ADAMTSL3: variants seen among roughly 807,000 people sequenced by gnomAD.
ADAMTSL3 encodes the protein ADAMTS like 3.
A neutral mutation model predicts 201.7 loss-of-function variants in ADAMTSL3; 128 were observed. The ratio of observed to expected loss-of-function variants is 0.63; its 90% confidence interval spans 0.55 to 0.73. The LOEUF (loss-of-function observed/expected upper bound fraction) is 0.73, where lower values mean the gene tolerates loss of function less well. ADAMTSL3 is among the 30% of genes least tolerant of loss of function. The pLI, the probability that ADAMTSL3 is intolerant of heterozygous loss-of-function variation, is 0.00. For synonymous variants in ADAMTSL3, 738 were observed against 748.4 expected (o/e 0.99, Z 0.23); for missense variants, 1,990 against 2,119.6 (o/e 0.94, Z 1.20).
chr15:83,924,059 A>G, intron 17 of ADAMTSL3, 26 bp downstream of exon 17: 3 of 1,612,904 alleles, frequency 1.9e-6, no homozygotes, highest in Non-Finnish European at 2.5e-6. Flanking sequence ...TGTTCCTGGT[A>G]TATACCGTGT....
chr15:83,892,197 C>CAGAAAG (rs1325342016), intron 12 of ADAMTSL3, among the ~76,000 whole-genome samples: 1 of 148,972 alleles, frequency 6.7e-6, no homozygotes, highest in East Asian at 2.0e-4. Flanking sequence ...GCCTGGGTGA[C>CAGAAAG]AGAAAGAGAC....
rs542617593 is a variant in ADAMTSL3 at position 83,672,789 on chromosome 15, C to A, written c.69+16959C>A. On this transcript the variant is annotated intron_variant, in intron 2 of 29. Transcript: ENST00000286744. Reference sequence around the variant, plus strand: ...CGTTGCTTCCTTGTGCCATGACTCTCCAAGGGAAACAGACCTTCCCAGAGC... The same window carrying A: ...CGTTGCTTCCTTGTGCCATGACTCTACAAGGGAAACAGACCTTCCCAGAGC... Among the ~76,000 whole-genome samples the A allele has an allele frequency of 1.6e-3, 249 of 152,320 alleles. 2 individuals carry two copies. Among genetic ancestry groups the A allele is most frequent in the African/African-American group, 5.8e-3 (243 of 41,582 alleles).
intron 3 of ADAMTSL3, among the ~76,000 whole-genome samples, chr15:83,759,569 A>G (rs1247645103): frequency 2.0e-5 from 3 of 152,174 alleles, no homozygotes; most frequent in African/African-American, 7.2e-5. Flanking sequence ...ACATAGTTTA[A>G]TAAGTTTCTT....
intron 7 of ADAMTSL3, among the ~76,000 whole-genome samples, chr15:83,856,850 T>C (rs1350545900): frequency 6.6e-6 from 1 of 152,214 alleles, no homozygotes; most frequent in African/African-American, 2.4e-5. Flanking sequence ...CTGGATCATA[T>C]GGTAATTCTA....
At position 83,960,407 on chromosome 15, in the gene ADAMTSL3, C is replaced by T. The variant is rs539021058; in HGVS notation, c.2491-10077C>T. Among the ~76,000 whole-genome samples, 63 of 152,170 alleles carry T rather than the reference C, an allele frequency of 4.1e-4. No individual in the cohort carries two copies. In the South Asian group the frequency reaches 8.7e-3, roughly 21 times the overall value. ...AGCTGACAAATATTTCCTCAGGCGC[C>T]GAGCAGGGTATAGATTTCCCTAGGA... On this transcript the variant is annotated intron_variant, in intron 19 of 29. Transcript: ENST00000286744.
chr15:83,954,785 A>G (rs2066825261), intron 19 of ADAMTSL3, among the ~76,000 whole-genome samples: 1 of 152,192 alleles, frequency 6.6e-6, no homozygotes, highest in Admixed American at 6.5e-5. Flanking sequence ...ATTACCAGGA[A>G]GAGACTCTTG....
intron 2 of ADAMTSL3, among the ~76,000 whole-genome samples, chr15:83,698,869 G>A (rs2061725457): frequency 6.6e-6 from 1 of 152,098 alleles, no homozygotes; most frequent in South Asian, 2.1e-4. Context: ...TTTCTTAGCA[G>A]CATTCAAGAC....
intron 8 of ADAMTSL3, among the ~76,000 whole-genome samples, chr15:83,866,070 C>T (rs1596331425): frequency 1.3e-5 from 2 of 152,184 alleles, no homozygotes; most frequent in Non-Finnish European, 1.5e-5. Context: ...TACCATCTCA[C>T]ACCAGTTAGA....
At chr15:83,728,904 G>A (rs2141598033) in intron 3 of ADAMTSL3, among the ~76,000 whole-genome samples, 1 of 152,168 alleles carries the variant, frequency 6.6e-6, no homozygotes, top group South Asian at 2.1e-4. Flanking sequence ...TCCAGTTAAA[G>A]AATGCCCTTT....
rs143245895 is a variant in ADAMTSL3 at position 83,727,105 on chromosome 15, C to A, written c.189+22597C>A. On this transcript the variant is annotated intron_variant, in intron 3 of 29. Transcript: ENST00000286744. The stretch of plus-strand genomic sequence containing the variant: ...GGTCTGTTCAGGTCTTGAATTTCTT[C>A]CTGGTTCAATCTTGGTAGGTTGTAT... 8.7e-3 allele frequency among the ~76,000 whole-genome samples: 1,317 copies of A among 151,842 alleles called. 19 individuals are homozygous for A. The highest frequency in any genetic ancestry group is 0.03 in the African/African-American group (1,249 of 41,468).
intron 3 of ADAMTSL3, among the ~76,000 whole-genome samples, chr15:83,732,653 A>G (rs889538287): frequency 1.3e-5 from 2 of 152,168 alleles, no homozygotes. Context: ...CTCCGTCTTA[A>G]CTAGTTGATT....
intron 17 of ADAMTSL3, among the ~76,000 whole-genome samples, chr15:83,929,310 G>T (rs954481647): frequency 2.2e-4 from 33 of 152,126 alleles, no homozygotes; most frequent in African/African-American, 7.0e-4. Flanking sequence ...AGGTGTCCGC[G>T]GCGTTGATTC....
At chr15:83,966,231 C>T (rs1403146074) in intron 19 of ADAMTSL3, among the ~76,000 whole-genome samples, 13 of 152,102 alleles carry the variant, frequency 8.5e-5, no homozygotes, top group Admixed American at 7.2e-4. Flanking sequence ...TCAAAAATAT[C>T]AATGAATCCC....
chr15:83,716,607 TTTGTGTGTGTGTGTGTG>T (rs2062022813), intron 3 of ADAMTSL3, among the ~76,000 whole-genome samples: 2 of 131,556 alleles, frequency 1.5e-5, no homozygotes, highest in Non-Finnish European at 3.3e-5. Context: ...TCTTTATTTC[TTTGTGTGTGTGTGTGTG>T]TTGTGTGTGT....
rs550890278 is a variant in ADAMTSL3 at position 83,884,751 on chromosome 15, A to G, written c.961-350A>G. Among the ~76,000 whole-genome samples, 5 of 152,300 alleles carry G rather than the reference A, an allele frequency of 3.3e-5. No homozygotes were observed. In the South Asian group the frequency reaches 8.3e-4, roughly 25 times the overall value. On this transcript the variant is annotated intron_variant, in intron 9 of 29. Transcript: ENST00000286744. ...CTATATTGTGAGCAAACCCAAATCA[A>G]TTCTCAATCTGTGTCGTCAAAATTA... is the stretch of plus-strand genomic sequence containing the variant.
chr15:84,003,773 C>T (rs2067843104), intron 23 of ADAMTSL3, among the ~76,000 whole-genome samples: 1 of 152,154 alleles, frequency 6.6e-6, no homozygotes, highest in Admixed American at 6.5e-5. Flanking sequence ...CAGCAGAGAG[C>T]ACAGGACAAG....
At chr15:83,656,296 A>T (rs1411778700) in intron 2 of ADAMTSL3, among the ~76,000 whole-genome samples, 1 of 152,168 alleles carries the variant, frequency 6.6e-6, no homozygotes, top group Non-Finnish European at 1.5e-5. Flanking sequence ...TGTCTTTTCC[A>T]ACCAACTTGA....
At chr15:83,864,861 A>G (rs1459545543) in intron 8 of ADAMTSL3, among the ~76,000 whole-genome samples, 2 of 152,172 alleles carry the variant, frequency 1.3e-5, no homozygotes, top group Non-Finnish European at 1.5e-5. Context: ...ATATCTAGAA[A>G]ACCCCATCGT....
At chr15:83,920,715 T>C (rs180919119) in intron 16 of ADAMTSL3, among the ~76,000 whole-genome samples, 1 of 152,190 alleles carries the variant, frequency 6.6e-6, no homozygotes, top group Non-Finnish European at 1.5e-5. Flanking sequence ...GCAGACCTCT[T>C]TTTTCCTCGT....
Sources: allele counts gnomAD v4.1 joint callset (sites outside exome capture counted in the v4.1 genomes callset), GRCh38; gene constraint gnomAD v4.1.1; transcripts MANE v1.5; gene names NCBI Gene and HGNC (gene_info 2026-07-23, HGNC 2026-07-21).